LRRC37A3: variants seen among roughly 807,000 people sequenced by gnomAD.
LRRC37A3 encodes the protein leucine rich repeat containing 37 member A3.
Under a neutral mutation model 106.2 loss-of-function variants are expected in LRRC37A3, and 25 were observed. That is an observed-to-expected ratio of 0.24 (90% confidence interval 0.17 to 0.33). LRRC37A3 has a LOEUF of 0.33. Ranked by LOEUF, LRRC37A3 falls within the 10% of genes least tolerant of loss-of-function variation. LRRC37A3 has a pLI of 1.00. For missense variants in LRRC37A3, 712 were observed against 1,644.9 expected (o/e 0.43, Z 9.81); for synonymous variants, 305 against 635.8 (o/e 0.48, Z 7.83).
chr17:64,858,551 T>C (rs1391240910), intron 13 of LRRC37A3, among the ~76,000 whole-genome samples: 2 of 152,232 alleles, frequency 1.3e-5, no homozygotes, highest in Non-Finnish European at 2.9e-5. Flanking sequence ...AATAGTCTAG[T>C]GGGATTAACT....
intron 8 of LRRC37A3, among the ~76,000 whole-genome samples, chr17:64,875,100 A>T (rs1205090961): frequency 1.3e-5 from 2 of 152,144 alleles, no homozygotes; most frequent in African/African-American, 4.8e-5. Context: ...AATAAAAAAA[A>T]TTAAAAAAAA....
Position 64,917,732 on chromosome 17 carries a change from C to T in LRRC37A3, c.-496+1018G>A, listed in dbSNP as rs1485908683. Among the ~76,000 whole-genome samples, 4 of 152,204 alleles carry T rather than the reference C, an allele frequency of 2.6e-5. No individual in the cohort carries two copies. In the South Asian group the frequency reaches 8.3e-4, roughly 32 times the overall value. Reference sequence around the variant, plus strand: ...CTGTAATCCCGGCACTATGGGAGGCCGAGGCCGGCGGATTACCTGAGGTCA... The same window carrying T: ...CTGTAATCCCGGCACTATGGGAGGCTGAGGCCGGCGGATTACCTGAGGTCA... On this transcript the variant is annotated intron_variant, in intron 2 of 14. Coordinates refer to ENST00000584306, the MANE Select transcript of LRRC37A3 (RefSeq NM_199340.5).
chr17:64,861,598 C>T (rs774918381), intron 11 of LRRC37A3, among the ~76,000 whole-genome samples: 2 of 152,162 alleles, frequency 1.3e-5, no homozygotes, highest in Non-Finnish European at 2.9e-5. Flanking sequence ...CTGTGTCCAC[C>T]CTAGTTCTTA....
intron 9 of LRRC37A3, 57 bp from the exon 10 acceptor site, chr17:64,868,593 TAAC>T (rs1247241606): frequency 6.5e-7 from 1 of 1,545,928 alleles, no homozygotes; most frequent in Admixed American, 1.8e-5. Context: ...ATTCTGTACT[TAAC>T]AATTCAATTT....
intron 12 of LRRC37A3, 52 bp from the exon 13 acceptor site, chr17:64,858,935 C>G (rs1250197693): frequency 2.5e-6 from 3 of 1,217,084 alleles, no homozygotes; most frequent in African/African-American, 1.5e-5. Flanking sequence ...CCCCAGTATT[C>G]CAGGTGAGTA....
At chr17:64,866,628 A>ATATTTTTT (rs1491179388) in intron 10 of LRRC37A3, among the ~76,000 whole-genome samples, 2 of 17,868 alleles carry the variant, frequency 1.1e-4, no homozygotes, top group Non-Finnish European at 1.7e-4. Flanking sequence ...ATATATATAT[A>ATATTTTTT]TTTTTTTTTT....
chr17:64,878,113 C>T (rs1973576006), intron 8 of LRRC37A3, among the ~76,000 whole-genome samples: 1 of 152,176 alleles, frequency 6.6e-6, no homozygotes, highest in African/African-American at 2.4e-5. Context: ...ATTTTTTCCT[C>T]TCCAAACTGG....
intron 13 of LRRC37A3, among the ~76,000 whole-genome samples, chr17:64,858,563 G>C (rs545676704): frequency 6.6e-6 from 1 of 152,240 alleles, no homozygotes; most frequent in Non-Finnish European, 1.5e-5. Flanking sequence ...GGATTAACTT[G>C]GTTTCAATTC....
rs375747934 is a variant in LRRC37A3 at position 64,897,278 on chromosome 17, C to A, written c.-21G>T. The A allele has an allele frequency of 6.2e-7, 1 of 1,609,914 alleles. No homozygotes were observed. The highest frequency in any genetic ancestry group is 8.5e-7 in the Non-Finnish European group (1 of 1,179,876). Reference sequence around the variant, plus strand: ...GTCATTCTGGCAGCTCCGAGACGCTCGTGCCCCTTGTAAGCATGAGTCCCG... The same window carrying A: ...GTCATTCTGGCAGCTCCGAGACGCTAGTGCCCCTTGTAAGCATGAGTCCCG... On this transcript the variant is annotated 5_prime_UTR_variant, in exon 4 of 15. Coordinates refer to ENST00000584306, the MANE Select transcript of LRRC37A3 (RefSeq NM_199340.5).
chr17:64,866,187 G>T (rs1973064689), intron 10 of LRRC37A3, among the ~76,000 whole-genome samples: 3 of 151,718 alleles, frequency 2.0e-5, no homozygotes, highest in Admixed American at 1.3e-4. Context: ...AAAGCAGACA[G>T]ATCCTCACTA....
Position 64,870,615 on chromosome 17 carries a change from TGAG to T in LRRC37A3, c.2907-1452_2907-1450del, listed in dbSNP as rs560391391. On this transcript the variant is annotated intron_variant, in intron 8 of 14. Coordinates refer to ENST00000584306, the MANE Select transcript of LRRC37A3 (RefSeq NM_199340.5). ...ATATTATTATTGCCCTATTTTTAAATGAGGAAACTGAGGCACAGAGAGGTTATA... is the reference window on the plus strand; with the variant it reads ...ATATTATTATTGCCCTATTTTTAAATGAAACTGAGGCACAGAGAGGTTATA... Among the ~76,000 whole-genome samples, 147 of 152,262 alleles carry T rather than the reference TGAG, an allele frequency of 9.7e-4. 2 individuals carry two copies. In the East Asian group the frequency reaches 0.027, roughly 28 times the overall value.
chr17:64,857,416 G>C (rs891558753), intron 13 of LRRC37A3, among the ~76,000 whole-genome samples: 2 of 152,214 alleles, frequency 1.3e-5, no homozygotes, highest in African/African-American at 4.8e-5. Flanking sequence ...CACGTTCCTA[G>C]AATGTTGTAC....
intron 2 of LRRC37A3, among the ~76,000 whole-genome samples, chr17:64,917,694 C>T (rs1974736742): frequency 6.6e-6 from 1 of 152,162 alleles, no homozygotes; most frequent in African/African-American, 2.4e-5. Flanking sequence ...AGGCCGGGCG[C>T]GATGGCTCAC....
chr17:64,862,646 C>T (rs1972914743), intron 11 of LRRC37A3, among the ~76,000 whole-genome samples: 1 of 152,092 alleles, frequency 6.6e-6, no homozygotes, highest in Non-Finnish European at 1.5e-5. Flanking sequence ...TAATGTTATT[C>T]CCTAGCCTTC....
At chr17:64,862,861 C>G (rs1252001118) in intron 11 of LRRC37A3, 39 bp downstream of exon 11, 2 of 1,576,122 alleles carry the variant, frequency 1.3e-6, no homozygotes, top group East Asian at 4.5e-5. Context: ...AAAACAAATA[C>G]TTAATGTAAC....
At chr17:64,854,763 T>C (rs1972617662) in intron 14 of LRRC37A3, 119 bp from the exon 15 acceptor site, 9 of 1,611,876 alleles carry the variant, frequency 5.6e-6, no homozygotes, top group Non-Finnish European at 6.8e-6. Context: ...AGGGTCCCTG[T>C]TGAGGATCTT....
At chr17:64,918,959 G>C (rs1598441803) in intron 1 of LRRC37A3, 89 bp from the exon 2 acceptor site, 2 of 1,140,504 alleles carry the variant, frequency 1.8e-6, no homozygotes, top group Non-Finnish European at 2.2e-6. Flanking sequence ...ACCTGCAGCT[G>C]TCCGGGCCAG....
chr17:64,915,399 A>G (rs1315905224), intron 2 of LRRC37A3, among the ~76,000 whole-genome samples: 2 of 152,232 alleles, frequency 1.3e-5, no homozygotes, highest in Non-Finnish European at 2.9e-5. Context: ...AATCAAAACA[A>G]TATAATTGAT....
intron 2 of LRRC37A3, among the ~76,000 whole-genome samples, chr17:64,906,759 T>G (rs1598434314): frequency 2.9e-5 from 4 of 137,744 alleles, no homozygotes; most frequent in African/African-American, 2.8e-5. Context: ...TGAGACGGAG[T>G]CTCCCTCTGT....
Sources: allele counts gnomAD v4.1 joint callset (sites outside exome capture counted in the v4.1 genomes callset), GRCh38; gene constraint gnomAD v4.1.1; transcripts MANE v1.5; gene names NCBI Gene and HGNC (gene_info 2026-07-23, HGNC 2026-07-21).